The following ATXN1 variants were observed in gnomAD, a reference collection of about 807,000 sequenced individuals.
ATXN1 encodes the protein ataxin 1, also known as ataxin-1.
Under a neutral mutation model 56.4 loss-of-function variants are expected in ATXN1, and 8 were observed. That is an observed-to-expected ratio of 0.14 (90% CI 0.08 to 0.26). ATXN1 has a LOEUF of 0.26. ATXN1 is among the 10% of genes least tolerant of loss of function. The pLI, the probability that ATXN1 is intolerant of heterozygous loss-of-function variation, is 1.00. For synonymous variants in ATXN1, 514 were observed against 494.6 expected (o/e 1.04, Z -0.52); for missense variants, 987 against 1,106.5 (o/e 0.89, Z 1.53).
chr6:16,351,592 G>A (rs1216968519), intron 6 of ATXN1, among the ~76,000 whole-genome samples: 8 of 151,928 alleles, frequency 5.3e-5, no homozygotes, highest in Non-Finnish European at 7.4e-5. Context: ...TTGTAGAGAC[G>A]GGGTTTCACC....
intron 3 of ATXN1, among the ~76,000 whole-genome samples, chr6:16,590,391 G>A (rs989909964): frequency 5.9e-5 from 9 of 152,122 alleles, no homozygotes; most frequent in African/African-American, 1.9e-4. Flanking sequence ...AGAATGAACT[G>A]GTAATAGTTA....
At chr6:16,745,750 G>A (rs960384065) in intron 2 of ATXN1, among the ~76,000 whole-genome samples, 1 of 152,012 alleles carries the variant, frequency 6.6e-6, no homozygotes, top group Non-Finnish European at 1.5e-5. Context: ...TGCAGAAAAC[G>A]TCACTGACAG....
intron 3 of ATXN1, among the ~76,000 whole-genome samples, chr6:16,623,411 T>C (rs1208437627): frequency 6.6e-6 from 1 of 152,244 alleles, no homozygotes; most frequent in Non-Finnish European, 1.5e-5. Flanking sequence ...AAGTCAAGTG[T>C]CAGTTCCATC....
chr6:16,437,817 A>C (rs1220329258), intron 6 of ATXN1, among the ~76,000 whole-genome samples: 1 of 152,226 alleles, frequency 6.6e-6, no homozygotes, highest in Non-Finnish European at 1.5e-5. Context: ...CATGGAAGCT[A>C]GGTAGCAGAG....
chr6:16,330,720 G>A (rs1317377933), intron 6 of ATXN1, among the ~76,000 whole-genome samples: 3 of 151,990 alleles, frequency 2.0e-5, no homozygotes, highest in Non-Finnish European at 4.4e-5. Flanking sequence ...TATTGGTTTT[G>A]CTCCAACATC....
chr6:16,579,424 C>G (rs1157357812), intron 4 of ATXN1, among the ~76,000 whole-genome samples: 6 of 139,390 alleles, frequency 4.3e-5, no homozygotes, highest in Non-Finnish European at 6.1e-5. Context: ...GAGCAAACCA[C>G]TCATGTTACA....
chr6:16,367,220 G>A (rs1761938710), intron 6 of ATXN1, among the ~76,000 whole-genome samples: 1 of 152,156 alleles, frequency 6.6e-6, no homozygotes, highest in African/African-American at 2.4e-5. Flanking sequence ...GATAGTGTGG[G>A]GGTAACACTG....
chr6:16,705,918 A>G (rs975594129), intron 2 of ATXN1, among the ~76,000 whole-genome samples: 3 of 151,900 alleles, frequency 2.0e-5, no homozygotes, highest in African/African-American at 7.3e-5. Context: ...TCACATCCCT[A>G]CAGTCCTTGA....
rs147838915 is a variant in ATXN1 at position 16,719,208 on chromosome 6, T to C, written c.-615+34025A>G. ...TTTAAAGCTCTTTAGTCCTCTGTCT[T>C]CTTATATAGAAAACTATTCAGTATT... is the stretch of plus-strand genomic sequence containing the variant. On this transcript the variant is annotated intron_variant, in intron 2 of 7. Transcript: ENST00000436367. Among the ~76,000 whole-genome samples, 49 of 152,354 alleles carry C rather than the reference T, an allele frequency of 3.2e-4. 1 individual carries two copies. Among genetic ancestry groups the C allele is most frequent in the East Asian group, 1.7e-3 (9 of 5,192 alleles).
At chr6:16,392,884 T>C (rs1758384015) in intron 6 of ATXN1, among the ~76,000 whole-genome samples, 1 of 152,222 alleles carries the variant, frequency 6.6e-6, no homozygotes, top group Non-Finnish European at 1.5e-5. Flanking sequence ...CCTGTAAACT[T>C]GTTACAAATG....
At chr6:16,342,121 G>A (rs1285314904) in intron 6 of ATXN1, among the ~76,000 whole-genome samples, 3 of 151,670 alleles carry the variant, frequency 2.0e-5, no homozygotes, top group East Asian at 1.9e-4. Flanking sequence ...TGACCTGAGC[G>A]ATCCACCTAC....
At chr6:16,684,940 A>T (rs1758886347) in intron 2 of ATXN1, among the ~76,000 whole-genome samples, 1 of 152,078 alleles carries the variant, frequency 6.6e-6, no homozygotes. Flanking sequence ...AACAAATCAG[A>T]AGCACAAGTG....
At chr6:16,348,405 G>A (rs1291830578) in intron 6 of ATXN1, among the ~76,000 whole-genome samples, 1 of 152,044 alleles carries the variant, frequency 6.6e-6, no homozygotes, top group Non-Finnish European at 1.5e-5. Flanking sequence ...TTAAGAAAAT[G>A]AAGATAGTAT....
At chr6:16,318,481 A>G (rs1193090905) in intron 7 of ATXN1, among the ~76,000 whole-genome samples, 1 of 152,178 alleles carries the variant, frequency 6.6e-6, no homozygotes, top group African/African-American at 2.4e-5. Flanking sequence ...CGTTCTCAGC[A>G]TGAAAAAAAT....
In ATXN1 at chr6:16,538,701, C is replaced by T. The variant is rs78264267; in HGVS notation, c.-360-16013G>A. The stretch of plus-strand genomic sequence containing the variant: ...TGGGGTGTTTGGTTTTTTGTCCTTG[C>T]GATTGAGATAGTCTCGCTCTGTCAC... On this transcript the variant is annotated intron_variant, in intron 4 of 7. Transcript: ENST00000436367. Among the ~76,000 whole-genome samples the T allele has an allele frequency of 2.0e-5, 3 of 150,422 alleles. No homozygotes were observed. The South Asian group carries it at 6.3e-4, about 32-fold the overall frequency.
intron 4 of ATXN1, among the ~76,000 whole-genome samples, chr6:16,565,287 T>C (rs555178901): frequency 2.1e-3 from 325 of 152,290 alleles, no homozygotes; most frequent in African/African-American, 5.1e-3. Flanking sequence ...CTGTAAGCAA[T>C]TGTCCTCCAA....
chr6:16,449,704 T>A (rs1459719112), intron 6 of ATXN1, among the ~76,000 whole-genome samples: 1 of 152,222 alleles, frequency 6.6e-6, no homozygotes, highest in East Asian at 1.9e-4. Context: ...CCTTTTGTTT[T>A]AAGTGAACAC....
At chr6:16,678,598 AT>A (rs757103586) in intron 2 of ATXN1, among the ~76,000 whole-genome samples, 1 of 152,240 alleles carries the variant, frequency 6.6e-6, no homozygotes, top group Non-Finnish European at 1.5e-5. Flanking sequence ...TTTATAGAAT[AT>A]TTTTATCATT....
rs1400941896 is a variant in ATXN1 at position 16,327,344 on chromosome 6, C to A, written c.967G>T (p.Val323Phe). 6.2e-7 allele frequency: 1 copy of A among 1,613,330 alleles called. No individual in the cohort carries two copies. The highest frequency in any genetic ancestry group is 8.5e-7 in the Non-Finnish European group (1 of 1,179,998). Residue 323 changes from valine to phenylalanine, a missense_variant, in exon 7 of 8, where the codon GTC (valine) becomes TTC (phenylalanine). Transcript: ENST00000436367. The stretch of plus-strand genomic sequence containing the variant: ...CTCTTCTCCATCTCACCGTTCAGGA[C>A]CTCCTTGGCCTGGATGGCCTGCTGC... ...RLQQAIQAKE[V>F]LNGEMEKSRR...
Sources: gnomAD v4.1 joint callset for allele counts (sites outside exome capture counted in the v4.1 genomes callset) on GRCh38, gnomAD v4.1.1 for gene constraint, MANE v1.5 for transcripts, NCBI Gene and HGNC (gene_info 2026-07-23, HGNC 2026-07-21) for gene names.